The following RPL37A variants were observed in gnomAD, a reference collection of about 807,000 sequenced individuals.
The protein encoded by RPL37A is large ribosomal subunit protein eL43.
A neutral mutation model predicts 13.6 loss-of-function variants in RPL37A; 5 were observed. That is an observed-to-expected ratio of 0.37 (90% confidence interval 0.19 to 0.78). The LOEUF is 0.78. RPL37A is among the 30% of genes least tolerant of loss of function. The probability of loss-of-function intolerance (pLI) is 0.49; values close to 1 mark genes in which losing one functional copy is unlikely to be tolerated. For synonymous variants in RPL37A, 50 were observed against 44.4 expected, an observed-to-expected ratio of 1.13 and a Z score of -0.50; for missense variants, 77 against 120.0, an observed-to-expected ratio of 0.64 and a Z score of 1.67.
rs925609111 is a variant in RPL37A at position 216,504,060 on chromosome 2, A to G, written c.*2656A>G. 4 of 152,222 alleles carry G rather than the reference A, an allele frequency of 2.6e-5. No homozygotes were observed. Among genetic ancestry groups the G allele is most frequent in the African/African-American group, 7.2e-5 (3 of 41,440 alleles). The allele number at this position is 152,222 out of a possible 1,614,324, so 9.4% of individuals were successfully genotyped here. A position where few individuals can be genotyped will look rare whatever the true frequency, so the allele number is the denominator to read the frequency against. On this transcript the variant is annotated 3_prime_UTR_variant, in exon 4 of 4. Coordinates refer to ENST00000491306, the MANE Select transcript of RPL37A (RefSeq NM_000998.5). ...TAATTGAACATTGTGTTGTGATATA[A>G]AAAGTAAGTTAGGCTTGTGTTTTTC...
intron 3 of RPL37A, 69 bp from the exon 4 acceptor site, chr2:216,501,272 G>T (rs1695596477): frequency 8.9e-6 from 12 of 1,341,580 alleles, no homozygotes; most frequent in South Asian, 1.2e-5. Context: ...AAACGAGGCA[G>T]ATTTACTTAT....
intron 3 of RPL37A, chr2:216,500,384 T>G (rs1287567377): frequency 3.2e-6 from 1 of 311,318 alleles, no homozygotes; most frequent in African/African-American, 2.2e-5. Flanking sequence ...AAGGGGTCAG[T>G]TAGTTCAAAA....
chr2:216,499,786 T>G, intron 2 of RPL37A, 163 bp from the exon 3 acceptor site: 1 of 732,560 alleles, frequency 1.4e-6, no homozygotes, highest in Non-Finnish European at 2.4e-6. Context: ...TTTGAACGTT[T>G]ATGTGCAAAA....
In RPL37A at chr2:216,499,589, G is replaced by C. The variant is rs1279621751; in HGVS notation, c.132+191G>C. ...TTTTGTGAGACGTTTTTCATTTAAA[G>C]AAAACCGCTTAAACGTTAATGGGTA... On this transcript the variant is annotated intron_variant, in intron 2 of 3. Coordinates refer to ENST00000491306, the MANE Select transcript of RPL37A (RefSeq NM_000998.5). The C allele has an allele frequency of 1.2e-5, 9 of 741,564 alleles. No individual in the cohort carries two copies. In the South Asian group the frequency reaches 1.7e-4, roughly 14 times the overall value. 45.9% of individuals were successfully genotyped at this position (741,564 alleles called of 1,614,324 possible).
chr2:216,503,392 T>C lies in RPL37A; in HGVS notation c.*1988T>C, dbSNP rs1227898864. ...GGAAAACTTCGGTTTTTATAATCAG[T>C]GAAGTACTGCTTTTTGTTTGTTTTC... On this transcript the variant is annotated 3_prime_UTR_variant, in exon 4 of 4. Coordinates refer to ENST00000491306, the MANE Select transcript of RPL37A (RefSeq NM_000998.5). 1 of 152,310 alleles carries C rather than the reference T, an allele frequency of 6.6e-6. No homozygotes were observed. Among genetic ancestry groups the C allele is most frequent in the East Asian group, 1.9e-4 (1 of 5,188 alleles). 9.4% of individuals were successfully genotyped at this position (152,310 alleles called of 1,614,324 possible).
chr2:216,501,337 C>T lies in RPL37A; in HGVS notation c.216-4C>T, dbSNP rs760932020. ...TATGTTGGAAACTGAATCTTTCTTTCCAGTACCACTTCCGCTGTCACGGTA... is the reference window on the plus strand; with the variant it reads ...TATGTTGGAAACTGAATCTTTCTTTTCAGTACCACTTCCGCTGTCACGGTA... On this transcript the variant is annotated splice_region_variant and splice_polypyrimidine_tract_variant and intron_variant, in intron 3 of 3. Coordinates refer to ENST00000491306, the MANE Select transcript of RPL37A (RefSeq NM_000998.5). 6.2e-7 allele frequency: 1 copy of T among 1,611,494 alleles called. No individual in the cohort carries two copies. The highest frequency in any genetic ancestry group is 1.1e-5 in the South Asian group (1 of 90,834).
chr2:216,499,782 C>T (rs1391718778), intron 2 of RPL37A, 167 bp from the exon 3 acceptor site: 5 of 727,840 alleles, frequency 6.9e-6, no homozygotes, highest in East Asian at 5.4e-5. Flanking sequence ...AAGGTTTGAA[C>T]GTTTATGTGC....
chr2:216,499,752 C>T lies in RPL37A; in HGVS notation c.133-197C>T, dbSNP rs946715152. ...ATCTAATACCATTCTACTTGTTCTG[C>T]GAGGGATTTTTGTTTGATAAAGGTT... On this transcript the variant is annotated intron_variant, in intron 2 of 3. Coordinates refer to ENST00000491306, the MANE Select transcript of RPL37A (RefSeq NM_000998.5). 33 of 704,538 alleles carry T rather than the reference C, an allele frequency of 4.7e-5. No homozygotes were observed. In the Middle Eastern group the frequency reaches 9.2e-4, roughly 20 times the overall value. 43.6% of individuals were successfully genotyped at this position (704,538 alleles called of 1,614,324 possible).
At chr2:216,499,897 G>C in intron 2 of RPL37A, 52 bp from the exon 3 acceptor site, 1 of 1,474,758 alleles carries the variant, frequency 6.8e-7, no homozygotes, top group East Asian at 2.3e-5. Flanking sequence ...CTGGATGCTT[G>C]TAAGAGAAAA....
chr2:216,499,559 T>G, intron 2 of RPL37A, 161 bp downstream of exon 2: 1 of 887,594 alleles, frequency 1.1e-6, no homozygotes. Flanking sequence ...GATGGTAACT[T>G]CAGATTTTGT....
chr2:216,499,342 G>A lies in RPL37A; in HGVS notation c.76G>A (p.Val26Met). The change falls in exon 2 of 4, where the codon GTG (valine) becomes ATG (methionine). Residue 26 changes from valine to methionine, a missense_variant. Physicochemically the swap from Val to Met is conservative, Grantham distance 21 (BLOSUM62 1). Around this residue, in one of 3 missense-constraint regions of RPL37A, gnomAD observed 59 missense variants for 65.5 expected, o/e 0.90. Coordinates refer to ENST00000491306, the MANE Select transcript of RPL37A (RefSeq NM_000998.5). ...TRYGASLRKM[V>M]KKIEISQHAK... ...CTATGGGGCCTCCCTCCGGAAAATG[G>A]TGAAGAAAATTGAAATCAGCCAGCA... The A allele has an allele frequency of 6.2e-7, 1 of 1,614,182 alleles. No individual in the cohort carries two copies. The highest frequency in any genetic ancestry group is 8.5e-7 in the Non-Finnish European group (1 of 1,180,038).
chr2:216,499,525 T>C (rs376351665), intron 2 of RPL37A, 127 bp downstream of exon 2: 9 of 1,147,632 alleles, frequency 7.8e-6, no homozygotes, highest in East Asian at 5.1e-5. Context: ...TACCGTTGAT[T>C]ATGAGTTTTA....
At chr2:216,501,212 A>G in intron 3 of RPL37A, 129 bp from the exon 4 acceptor site, 1 of 663,980 alleles carries the variant, frequency 1.5e-6, no homozygotes, top group Non-Finnish European at 2.7e-6. Context: ...AGAGCAGTCT[A>G]TCTCAGTATA....
rs965564827 is a variant in RPL37A, at chr2:216,499,502, T to C, written c.132+104T>C. On this transcript the variant is annotated intron_variant, in intron 2 of 3. Coordinates refer to ENST00000491306, the MANE Select transcript of RPL37A (RefSeq NM_000998.5). Reference sequence around the variant, plus strand: ...TTATAAGCCGTGTGCTGGTGGGCAGTTGGAATTACTCATACCGTTGATTAT... The same window carrying C: ...TTATAAGCCGTGTGCTGGTGGGCAGCTGGAATTACTCATACCGTTGATTAT... 9 of 1,315,342 alleles carry C rather than the reference T, an allele frequency of 6.8e-6. No individual in the cohort carries two copies. In the African/African-American group the frequency reaches 1.0e-4, roughly 15 times the overall value. The allele number at this position is 1,315,342 out of a possible 1,614,324, so 81.5% of individuals were successfully genotyped here. A position where few individuals can be genotyped will look rare whatever the true frequency, so the allele number is the denominator to read the frequency against.
Position 216,501,169 on chromosome 2 carries a change from A to G in RPL37A, c.216-172A>G, listed in dbSNP as rs936878957. 3 of 541,900 alleles carry G rather than the reference A, an allele frequency of 5.5e-6. No individual in the cohort carries two copies. In the Admixed American group the frequency reaches 9.9e-5, roughly 18 times the overall value. The allele number at this position is 541,900 out of a possible 1,614,324, so 33.6% of individuals were successfully genotyped here. On this transcript the variant is annotated intron_variant, in intron 3 of 3. Transcript: ENST00000491306. ...TCCGAGGAGTAATCTAATGTTGGTT[A>G]GATCTTTGGATTGACTGCAGCAAAG...
chr2:216,498,922 T>A, intron 1 of RPL37A, 45 bp downstream of exon 1: 1 of 1,613,358 alleles, frequency 6.2e-7, no homozygotes, highest in Non-Finnish European at 8.5e-7. Flanking sequence ...TCTGCCTGCA[T>A]CTGTCCTTGT....
rs774487022 is a variant in RPL37A at position 216,503,424 on chromosome 2, A to C, written c.*2020A>C. On this transcript the variant is annotated 3_prime_UTR_variant, in exon 4 of 4. Transcript: ENST00000491306. ...CTGCTTTTTGTTTGTTTTCTGAGAG[A>C]GTGTCTGTCACCCAGGCTGAAGTGC... 10 of 152,010 alleles carry C rather than the reference A, an allele frequency of 6.6e-5. No homozygotes were observed. The highest frequency in any genetic ancestry group is 2.6e-4 in the Admixed American group (4 of 15,262). The allele number at this position is 152,010 out of a possible 1,614,324, so 9.4% of individuals were successfully genotyped here.
rs1173050247 is a variant in RPL37A, at chr2:216,499,010, A to G, written c.3+133A>G. 15 of 1,372,310 alleles carry G rather than the reference A, an allele frequency of 1.1e-5. No homozygotes were observed. The East Asian group carries it at 1.2e-4, about 11-fold the overall frequency. 85.0% of individuals were successfully genotyped at this position (1,372,310 alleles called of 1,614,324 possible). A position where few individuals can be genotyped will look rare whatever the true frequency, so the allele number is the denominator to read the frequency against. Reference sequence around the variant, plus strand: ...TCTCCATGCCTTTGCAGGAGACACCATTGTCGGAAGCTCCCCAAGGCGGAG... The same window carrying G: ...TCTCCATGCCTTTGCAGGAGACACCGTTGTCGGAAGCTCCCCAAGGCGGAG... On this transcript the variant is annotated intron_variant, in intron 1 of 3. Transcript: ENST00000491306.
Position 216,501,471 on chromosome 2 carries a change from C to T in RPL37A, c.*67C>T, listed in dbSNP as rs780910108. 35 of 1,173,186 alleles carry T rather than the reference C, an allele frequency of 3.0e-5. No individual in the cohort carries two copies. The highest frequency in any genetic ancestry group is 4.6e-5 in the African/African-American group (3 of 65,734). 72.7% of individuals were successfully genotyped at this position (1,173,186 alleles called of 1,614,324 possible). On this transcript the variant is annotated 3_prime_UTR_variant, in exon 4 of 4. Transcript: ENST00000491306. Reference sequence around the variant, plus strand: ...TGGGTTAATTTATGTAACAAAATTGCCTTGGCTTGTTAACTTTATTAGACA... The same window carrying T: ...TGGGTTAATTTATGTAACAAAATTGTCTTGGCTTGTTAACTTTATTAGACA...
Sources: gnomAD v4.1 joint callset for allele counts on GRCh38, gnomAD v4.1.1 for gene constraint, gnomAD v4.1.1 regional missense constraint, MANE v1.5 for transcripts, NCBI Gene and HGNC (gene_info 2026-07-23, HGNC 2026-07-21) for gene names.